The following TXK variants were observed in gnomAD, a reference collection of about 807,000 sequenced individuals.
TXK encodes the protein TXK tyrosine kinase, also known as tyrosine-protein kinase TXK.
In TXK, 60 loss-of-function variants were observed where a neutral mutation model predicts 81.0. The ratio of observed to expected loss-of-function variants is 0.74; its 90% confidence interval spans 0.60 to 0.92. The LOEUF is 0.92. Ranked by LOEUF, TXK falls within the 40% of genes least tolerant of loss-of-function variation. The pLI, the probability that TXK is intolerant of heterozygous loss-of-function variation, is 0.00. For synonymous variants in TXK, 203 were observed against 210.7 expected (o/e 0.96, Z 0.32); for missense variants, 581 against 638.3 (o/e 0.91, Z 0.97).
At chr4:48,101,056 T>C (rs559449855) in intron 6 of TXK, among the ~76,000 whole-genome samples, 1 of 152,088 alleles carries the variant, frequency 6.6e-6, no homozygotes, top group African/African-American at 2.4e-5. Flanking sequence ...AGTTTTTCTG[T>C]GGGTAGGGAA....
chr4:48,075,359 A>G (rs1717025094), intron 12 of TXK, among the ~76,000 whole-genome samples: 1 of 152,180 alleles, frequency 6.6e-6, no homozygotes, highest in South Asian at 2.1e-4. Flanking sequence ...TTTTGTAATC[A>G]TAAAGAACGC....
In TXK at chr4:48,110,620, A is replaced by T. The variant is rs1718604373; in HGVS notation, c.381-17T>A. 1 of 1,604,588 alleles carries T rather than the reference A, an allele frequency of 6.2e-7. No individual in the cohort carries two copies. The highest frequency in any genetic ancestry group is 1.1e-5 in the South Asian group (1 of 90,218). Reference sequence around the variant, plus strand: ...CCTTCATTCCTACAACAAAAGAAAAAGCAAAAATCAAAATGCTTGGCATGT... The same window carrying T: ...CCTTCATTCCTACAACAAAAGAAAATGCAAAAATCAAAATGCTTGGCATGT... On this transcript the variant is annotated splice_polypyrimidine_tract_variant and intron_variant, in intron 4 of 14. Transcript: ENST00000264316.
chr4:48,110,089 G>A (rs960416396), intron 5 of TXK, among the ~76,000 whole-genome samples: 2 of 152,176 alleles, frequency 1.3e-5, no homozygotes, highest in Non-Finnish European at 2.9e-5. Flanking sequence ...GATTTCAGGC[G>A]GAACTCTAGT....
At chr4:48,092,497 C>A (rs934210045) in intron 8 of TXK, among the ~76,000 whole-genome samples, 10 of 152,070 alleles carry the variant, frequency 6.6e-5, no homozygotes, top group Non-Finnish European at 1.3e-4. Context: ...AAGCAGAAGA[C>A]AGATCATAGA....
chr4:48,113,815 T>TA (rs562175140), intron 2 of TXK, among the ~76,000 whole-genome samples: 56 of 144,748 alleles, frequency 3.9e-4, no homozygotes, highest in Admixed American at 8.3e-4. Context: ...ATGGGGATCA[T>TA]AAAAAAAAAA....
chr4:48,097,637 C>T (rs902330786), intron 6 of TXK, among the ~76,000 whole-genome samples: 1 of 151,686 alleles, frequency 6.6e-6, no homozygotes, highest in African/African-American at 2.4e-5. Context: ...AGGGTTTCAT[C>T]ATGTTGGCCA....
chr4:48,116,529 C>G (rs905142074), intron 1 of TXK, among the ~76,000 whole-genome samples: 1 of 152,150 alleles, frequency 6.6e-6, no homozygotes, highest in East Asian at 1.9e-4. Flanking sequence ...GAATCCAGAG[C>G]TGAGCCATCA....
chr4:48,123,495 A>G (rs1380853814), intron 1 of TXK, among the ~76,000 whole-genome samples: 2 of 152,130 alleles, frequency 1.3e-5, no homozygotes, highest in African/African-American at 4.8e-5. Context: ...TCTGCCATCA[A>G]TCTATCAGTC....
chr4:48,114,930 C>A (rs576029065), intron 1 of TXK, among the ~76,000 whole-genome samples: 1 of 151,860 alleles, frequency 6.6e-6, no homozygotes, highest in Non-Finnish European at 1.5e-5. Flanking sequence ...ATCTGAGGAG[C>A]TTTAAAAAAA....
chr4:48,131,539 A>G (rs967141339), intron 1 of TXK, among the ~76,000 whole-genome samples: 4 of 152,182 alleles, frequency 2.6e-5, no homozygotes, highest in Non-Finnish European at 5.9e-5. Context: ...TGTTTTACCC[A>G]GCAGAAAATG....
At chr4:48,070,967 C>T (rs1247908783) in intron 14 of TXK, among the ~76,000 whole-genome samples, 7 of 144,288 alleles carry the variant, frequency 4.9e-5, no homozygotes, top group Admixed American at 3.6e-4. Context: ...GGCGCCATCT[C>T]GGCTCACTGC....
At chr4:48,126,799 G>C (rs756284674) in intron 1 of TXK, among the ~76,000 whole-genome samples, 1 of 152,128 alleles carries the variant, frequency 6.6e-6, no homozygotes, top group Non-Finnish European at 1.5e-5. Flanking sequence ...CACCATGCCT[G>C]GCCAAGTCAA....
intron 1 of TXK, among the ~76,000 whole-genome samples, chr4:48,116,624 G>C (rs1322122086): frequency 2.0e-5 from 3 of 152,190 alleles, no homozygotes; most frequent in Non-Finnish European, 4.4e-5. Flanking sequence ...ACCTGGAAAA[G>C]AGCATGTATC....
intron 1 of TXK, among the ~76,000 whole-genome samples, chr4:48,128,757 C>CG (rs1560364732): frequency 6.6e-6 from 1 of 151,536 alleles, no homozygotes; most frequent in African/African-American, 2.4e-5. Context: ...TTAGTAGAGA[C>CG]GGGGTTTCAC....
At chr4:48,086,772 A>C (rs1717548541) in intron 9 of TXK, 135 bp from the exon 10 acceptor site, 1 of 736,452 alleles carries the variant, frequency 1.4e-6, no homozygotes, top group African/African-American at 1.8e-5. Flanking sequence ...ATATGAAGCC[A>C]TTTTAATACT....
At chr4:48,114,575 G>C (rs1718742592) in intron 1 of TXK, 173 bp from the exon 2 acceptor site, 6 of 652,818 alleles carry the variant, frequency 9.2e-6, no homozygotes, top group Non-Finnish European at 1.3e-5. Context: ...TAAGTTTCTG[G>C]CACCTTGGCC....
At chr4:48,093,929 G>A in intron 8 of TXK, 148 bp downstream of exon 8, 1 of 1,142,662 alleles carries the variant, frequency 8.8e-7, no homozygotes, top group East Asian at 2.4e-5. Flanking sequence ...CAATAAGAAA[G>A]ATAATTGCTC....
At position 48,102,463 on chromosome 4, in the gene TXK, T is replaced by C. The variant is rs1233237883; in HGVS notation, c.501+2438A>G. Among the ~76,000 whole-genome samples, 5 of 152,136 alleles carry C rather than the reference T, an allele frequency of 3.3e-5. No homozygotes were observed. In the East Asian group the frequency reaches 9.6e-4, roughly 29 times the overall value. The stretch of plus-strand genomic sequence containing the variant: ...GGTATACAATTTCTCACCCAATGAA[T>C]TGAAAAAAAACTGTGAAACTACTTG... On this transcript the variant is annotated intron_variant, in intron 6 of 14. Transcript: ENST00000264316.
chr4:48,081,474 A>G (rs1453761409), intron 10 of TXK, among the ~76,000 whole-genome samples: 1 of 152,172 alleles, frequency 6.6e-6, no homozygotes, highest in East Asian at 1.9e-4. Flanking sequence ...TAACTCTAGG[A>G]CTTCTTAATA....
Sources: allele counts gnomAD v4.1 joint callset (sites outside exome capture counted in the v4.1 genomes callset), GRCh38; gene constraint gnomAD v4.1.1; transcripts MANE v1.5; gene names NCBI Gene and HGNC (gene_info 2026-07-23, HGNC 2026-07-21).